The following MAPK14 variants were observed in gnomAD, a reference collection of about 807,000 sequenced individuals.
MAPK14 encodes mitogen-activated protein kinase 14, also known as CSAID-binding protein.
MAPK14 carries 16 observed loss-of-function variants against 49.6 expected under a neutral mutation model. The observed-to-expected ratio is 0.32, with a 90% CI of 0.22 to 0.49. MAPK14 has a LOEUF of 0.49. Among genes scored for constraint, MAPK14 ranks in the 20% least tolerant of loss-of-function variants. The pLI is 0.99. For missense variants in MAPK14, 200 were observed against 441.2 expected, an observed-to-expected ratio of 0.45 and a Z score of 4.90; for synonymous variants, 142 against 158.0, an observed-to-expected ratio of 0.90 and a Z score of 0.76.
In MAPK14 at chr6:36,036,726, C is replaced by A. The variant is rs902160028; in HGVS notation, c.116+8453C>A. 2.0e-5 allele frequency among the ~76,000 whole-genome samples: 3 copies of A among 149,932 alleles called. No homozygotes were observed. The Admixed American group carries it at 2.0e-4, about 10-fold the overall frequency. On this transcript the variant is annotated intron_variant, in intron 1 of 11. Coordinates refer to ENST00000229794, the MANE Select transcript of MAPK14 (RefSeq NM_139012.3). ...TCAGGTGACCCTTAGCATTTTTTAG[C>A]AAAAAAATATTTATTTATTTATTTA... is the stretch of plus-strand genomic sequence containing the variant.
chr6:36,077,753 C>T (rs974159762), intron 8 of MAPK14, among the ~76,000 whole-genome samples: 3 of 152,152 alleles, frequency 2.0e-5, no homozygotes, highest in African/African-American at 7.2e-5. Context: ...TTATTACTCC[C>T]TACCTCTGGA....
intron 1 of MAPK14, among the ~76,000 whole-genome samples, chr6:36,049,005 G>A (rs1241067599): frequency 6.6e-6 from 1 of 152,248 alleles, no homozygotes; most frequent in Non-Finnish European, 1.5e-5. Context: ...AGTGGAGACA[G>A]AGATGGAGCT....
chr6:36,074,008 A>C (rs764279328), intron 5 of MAPK14, 41 bp from the exon 6 acceptor site: 2 of 1,451,930 alleles, frequency 1.4e-6, no homozygotes, highest in East Asian at 4.5e-5. Context: ...TTGATCATGC[A>C]TCATAAAGTT....
intron 1 of MAPK14, among the ~76,000 whole-genome samples, chr6:36,036,819 C>T (rs1386907472): frequency 6.6e-6 from 1 of 152,144 alleles, no homozygotes. Context: ...TGGCTCACTG[C>T]ACCCTCCACC....
chr6:36,100,844 A>G (rs1765610772), intron 9 of MAPK14, among the ~76,000 whole-genome samples: 2 of 152,158 alleles, frequency 1.3e-5, no homozygotes, highest in South Asian at 4.1e-4. Context: ...TTTCTTTGTA[A>G]GATACCCTTA....
chr6:36,074,011 A>C, intron 5 of MAPK14, 38 bp from the exon 6 acceptor site: 1 of 1,503,044 alleles, frequency 6.7e-7, no homozygotes, highest in Non-Finnish European at 9.3e-7. Context: ...ATCATGCATC[A>C]TAAAGTTGAT....
At chr6:36,037,082 T>A (rs10807156) in intron 1 of MAPK14, among the ~76,000 whole-genome samples, 29,995 of 151,962 alleles carry the variant, frequency 0.2, 3,915 homozygotes, top group East Asian at 0.56. Flanking sequence ...ATATATATAT[T>A]TTTTTGACAT....
intron 8 of MAPK14, among the ~76,000 whole-genome samples, chr6:36,089,366 G>T (rs185118053): frequency 1.3e-5 from 2 of 152,124 alleles, no homozygotes; most frequent in Non-Finnish European, 1.5e-5. Context: ...AACAACACAC[G>T]CTGGGGCCTG....
chr6:36,050,166 A>C (rs760127468), intron 1 of MAPK14, among the ~76,000 whole-genome samples: 12 of 152,228 alleles, frequency 7.9e-5, no homozygotes, highest in Non-Finnish European at 1.8e-4. Flanking sequence ...GTCATGGAGA[A>C]TTAAGTGGTT....
chr6:36,101,489 A>ATT (rs556407958), intron 9 of MAPK14, among the ~76,000 whole-genome samples: 1,645 of 146,310 alleles, frequency 0.011, 39 homozygotes, highest in African/African-American at 0.038. Context: ...AAGCAACCAG[A>ATT]TTTTTTTTTT....
At chr6:36,056,058 G>A (rs1763579047) in intron 2 of MAPK14, among the ~76,000 whole-genome samples, 1 of 152,016 alleles carries the variant, frequency 6.6e-6, no homozygotes, top group Non-Finnish European at 1.5e-5. Flanking sequence ...AAATTTGGTA[G>A]GGTATTTACT....
At chr6:36,072,584 G>A (rs1476971598) in intron 3 of MAPK14, among the ~76,000 whole-genome samples, 1 of 151,888 alleles carries the variant, frequency 6.6e-6, no homozygotes, top group Admixed American at 6.6e-5. Flanking sequence ...GGCCAACACG[G>A]TGAAACCTCG....
chr6:36,089,407 G>A (rs1485720138), intron 8 of MAPK14, among the ~76,000 whole-genome samples: 1 of 152,120 alleles, frequency 6.6e-6, no homozygotes, highest in African/African-American at 2.4e-5. Context: ...CGGAGGGAAC[G>A]CATCAGGATA....
Position 36,028,279 on chromosome 6 carries a change from T to A in MAPK14, c.116+6T>A. On this transcript the variant is annotated splice_donor_region_variant and intron_variant, in intron 1 of 11. Coordinates refer to ENST00000229794, the MANE Select transcript of MAPK14 (RefSeq NM_139012.3). This position sits in a 1 kb window ranked among gnomAD's most constrained non-coding sequence, Gnocchi z 5.1. ...GGCGCCTATGGCTCTGTGTGGTGAGTGTCGCTGGGCCTGGGGCCGCTGTGG... is the reference window on the plus strand; with the variant it reads ...GGCGCCTATGGCTCTGTGTGGTGAGAGTCGCTGGGCCTGGGGCCGCTGTGG... The A allele has an allele frequency of 6.2e-7, 1 of 1,607,024 alleles. No homozygotes were observed. The highest frequency in any genetic ancestry group is 8.5e-7 in the Non-Finnish European group (1 of 1,174,322).
At chr6:36,097,552 TTAA>T (rs1362218880) in intron 9 of MAPK14, 1 of 152,164 alleles carries the variant, frequency 6.6e-6, no homozygotes, top group Non-Finnish European at 1.5e-5. Context: ...AGGAGCTCAA[TTAA>T]TAAATAGTGC....
intron 1 of MAPK14, among the ~76,000 whole-genome samples, chr6:36,032,956 A>G (rs1300359159): frequency 6.6e-6 from 1 of 150,682 alleles, no homozygotes; most frequent in African/African-American, 2.4e-5. Context: ...TTTTTTAACT[A>G]TTAATGGCCA....
At chr6:36,047,827 C>T (rs1763242041) in intron 1 of MAPK14, among the ~76,000 whole-genome samples, 1 of 152,008 alleles carries the variant, frequency 6.6e-6, no homozygotes, top group African/African-American at 2.4e-5. Flanking sequence ...CCTCCACCTC[C>T]CTGGTTCAAG....
intron 1 of MAPK14, among the ~76,000 whole-genome samples, chr6:36,030,560 G>GC (rs1331219816): frequency 6.6e-6 from 1 of 151,738 alleles, no homozygotes; most frequent in East Asian, 1.9e-4. Context: ...GGTGGCGGGC[G>GC]CCTGTACTCC....
rs1765873462 is a variant in MAPK14, at chr6:36,108,610, GTGTC to G, written c.*169_*172del. The G allele has an allele frequency of 6.3e-6, 4 of 638,522 alleles. No homozygotes were observed. Among genetic ancestry groups the G allele is most frequent in the Non-Finnish European group, 8.5e-6 (3 of 351,668 alleles). 39.6% of individuals were successfully genotyped at this position (638,522 alleles called of 1,614,324 possible). A position where few individuals can be genotyped will look rare whatever the true frequency, so the allele number is the denominator to read the frequency against. On this transcript the variant is annotated 3_prime_UTR_variant, in exon 12 of 12. Coordinates refer to ENST00000229794, the MANE Select transcript of MAPK14 (RefSeq NM_139012.3). ...TGCGTGTTAGTGTGTGTGCATGTGT[GTGTC>G]TGTCTTTGTGGGAGGGTAAGACAAT...
Sources: allele counts gnomAD v4.1 joint callset (sites outside exome capture counted in the v4.1 genomes callset), GRCh38; gene constraint gnomAD v4.1.1; non-coding constraint Gnocchi (gnomAD v3.1); transcripts MANE v1.5; gene names NCBI Gene and HGNC (gene_info 2026-07-23, HGNC 2026-07-21).